The following TEKT5 variants were observed in gnomAD, a reference collection of about 807,000 sequenced individuals.
The protein encoded by TEKT5 is tektin-5.
A neutral mutation model predicts 48.7 loss-of-function variants in TEKT5; 52 were observed. The ratio of observed to expected loss-of-function variants is 1.07; its 90% CI spans 0.86 to 1.35. The LOEUF is 1.35. TEKT5 is among the 40% of genes most tolerant of loss of function. The probability of loss-of-function intolerance (pLI) is 0.00; values close to 1 mark genes in which losing one functional copy is unlikely to be tolerated. For synonymous variants in TEKT5, 318 were observed against 267.6 expected, an observed-to-expected ratio of 1.19 and a Z score of -1.84; for missense variants, 831 against 641.6, an observed-to-expected ratio of 1.30 and a Z score of -3.19.
chr16:10,644,176 C>G (rs1031306479), intron 5 of TEKT5, among the ~76,000 whole-genome samples: 1 of 152,172 alleles, frequency 6.6e-6, no homozygotes, highest in Non-Finnish European at 1.5e-5. Flanking sequence ...CCCTGCTGAG[C>G]GTTTTTCAGT....
chr16:10,673,404 AAC>A (rs1255282230), intron 5 of TEKT5, among the ~76,000 whole-genome samples: 1 of 152,178 alleles, frequency 6.6e-6, no homozygotes, highest in Non-Finnish European at 1.5e-5. Context: ...CAAAGCTGAA[AAC>A]AGTTATCATC....
At chr16:10,636,475 G>C (rs543701636) in intron 5 of TEKT5, among the ~76,000 whole-genome samples, 1 of 152,194 alleles carries the variant, frequency 6.6e-6, no homozygotes, top group South Asian at 2.1e-4. Context: ...ATCATGGTTG[G>C]TTTTGTTCTG....
At position 10,635,891 on chromosome 16, in the gene TEKT5, T is replaced by G. The variant is rs755143675; in HGVS notation, c.1114A>C (p.Asn372His). 1 of 1,614,058 alleles carries G rather than the reference T, an allele frequency of 6.2e-7. No homozygotes were observed. The highest frequency in any genetic ancestry group is 1.1e-5 in the South Asian group (1 of 91,078). ...GACCTTTCCAGCAGCATGATGGTGT[T>G]CTCGGCCTGGAAGATCTCCTGCAGC... ...KTLQEIFQAENTIMLLERSIM... is the reference protein window; with the variant it reads ...KTLQEIFQAEHTIMLLERSIM... Residue 372 changes from asparagine to histidine, a missense_variant, in exon 6 of 7, where the codon AAC (asparagine) becomes CAC (histidine). Coordinates refer to ENST00000283025, the MANE Select transcript of TEKT5 (RefSeq NM_144674.2).
chr16:10,639,431 AG>A (rs1263231228), intron 5 of TEKT5, among the ~76,000 whole-genome samples: 3 of 152,214 alleles, frequency 2.0e-5, no homozygotes, highest in Non-Finnish European at 4.4e-5. Context: ...TTAGACCACC[AG>A]GGGCCAAATC....
intron 4 of TEKT5, among the ~76,000 whole-genome samples, chr16:10,677,889 T>C (rs2541500): frequency 6.6e-6 from 1 of 151,644 alleles, no homozygotes; most frequent in Admixed American, 6.6e-5. Flanking sequence ...CATGCAGGAC[T>C]CACAGCGTGG....
chr16:10,631,727 G>GA (rs1267618516), intron 6 of TEKT5, among the ~76,000 whole-genome samples: 1 of 152,128 alleles, frequency 6.6e-6, no homozygotes, highest in Non-Finnish European at 1.5e-5. Context: ...ATGTGGAGAC[G>GA]AAGGCAGAGA....
At chr16:10,653,961 G>T (rs548872606) in intron 5 of TEKT5, among the ~76,000 whole-genome samples, 1 of 152,186 alleles carries the variant, frequency 6.6e-6, no homozygotes, top group South Asian at 2.1e-4. Context: ...TGCCCACAAG[G>T]TTACTGGGGG....
At chr16:10,653,554 G>C (rs1202731132) in intron 5 of TEKT5, among the ~76,000 whole-genome samples, 4 of 152,198 alleles carry the variant, frequency 2.6e-5, no homozygotes, top group Non-Finnish European at 5.9e-5. Flanking sequence ...CATCGATTGA[G>C]CCCTTTCTAG....
chr16:10,660,260 G>C (rs1030937123), intron 5 of TEKT5, among the ~76,000 whole-genome samples: 1 of 152,162 alleles, frequency 6.6e-6, no homozygotes, highest in Non-Finnish European at 1.5e-5. Context: ...GCTCTCCTCA[G>C]TCTTTGGAAT....
chr16:10,629,513 A>C (rs916271119), intron 6 of TEKT5, among the ~76,000 whole-genome samples: 2 of 151,906 alleles, frequency 1.3e-5, no homozygotes, highest in African/African-American at 4.8e-5. Flanking sequence ...AGCCTCCCAA[A>C]GTGCTGGGAT....
chr16:10,666,337 CTCGGTGGTGCCTGGAAT>C (rs765835443), intron 5 of TEKT5, among the ~76,000 whole-genome samples: 4 of 152,180 alleles, frequency 2.6e-5, no homozygotes, highest in Non-Finnish European at 4.4e-5. Context: ...CCTCCTGTTC[CTCGGTGGTGCCTGGAAT>C]TCCTTTAAAA....
At chr16:10,645,775 G>T (rs191324782) in intron 5 of TEKT5, among the ~76,000 whole-genome samples, 3 of 152,240 alleles carry the variant, frequency 2.0e-5, no homozygotes, top group African/African-American at 7.2e-5. Flanking sequence ...GCACTGGACT[G>T]CAAGACTGGG....
At chr16:10,665,374 G>A (rs1272580210) in intron 5 of TEKT5, among the ~76,000 whole-genome samples, 3 of 152,226 alleles carry the variant, frequency 2.0e-5, no homozygotes, top group African/African-American at 7.2e-5. Context: ...ATGATTGGCT[G>A]TCACCATTTG....
At chr16:10,691,140 G>C (rs1435534551) in intron 1 of TEKT5, 1 of 150,596 alleles carries the variant, frequency 6.6e-6, no homozygotes, top group Non-Finnish European at 1.5e-5. Context: ...GCTCAGCCTG[G>C]GCAGCATAGT....
chr16:10,652,513 G>C (rs1351543831), intron 5 of TEKT5, among the ~76,000 whole-genome samples: 1 of 114,654 alleles, frequency 8.7e-6, no homozygotes, highest in Non-Finnish European at 1.8e-5. Context: ...GCCAGGTAGA[G>C]CGATCCCTTA....
Position 10,689,943 on chromosome 16 carries a change from C to A in TEKT5, c.647G>T (p.Arg216Leu). The stretch of plus-strand genomic sequence containing the variant: ...GGGCAGAACCAGGAGATGCCTTACC[C>A]GGATAAGGTTTTTCTCCACGTTGTC... ...VHDNVEKNLI[R>L]EVDLLKCCQE... Residue 216 changes from arginine (R) to leucine (L), a missense_variant and splice_region_variant, in exon 2 of 7, where the codon CGG (arginine) becomes CTG (leucine). Physicochemically the swap from Arg to Leu is moderately radical, Grantham distance 102. Coordinates refer to ENST00000283025, the MANE Select transcript of TEKT5 (RefSeq NM_144674.2). 6.2e-7 allele frequency: 1 copy of A among 1,613,992 alleles called. No homozygotes were observed.
intron 4 of TEKT5, 33 bp from the exon 5 acceptor site, chr16:10,676,214 C>A (rs1490101175): frequency 1.2e-6 from 2 of 1,606,494 alleles, no homozygotes; most frequent in Non-Finnish European, 1.7e-6. Flanking sequence ...TGCAGCAGTC[C>A]TGGAAGACCT....
At chr16:10,628,753 A>G (rs191136368) in intron 6 of TEKT5, among the ~76,000 whole-genome samples, 4 of 152,020 alleles carry the variant, frequency 2.6e-5, no homozygotes, top group Non-Finnish European at 4.4e-5. Flanking sequence ...GAAAATACAA[A>G]AAGTTAGCCA....
chr16:10,644,917 C>T (rs538214857), intron 5 of TEKT5, among the ~76,000 whole-genome samples: 26 of 152,198 alleles, frequency 1.7e-4, no homozygotes, highest in African/African-American at 2.6e-4. Context: ...CTCTGAGAGG[C>T]GATTAGGTGA....
Sources: gnomAD v4.1 joint callset for allele counts (sites outside exome capture counted in the v4.1 genomes callset) on GRCh38, gnomAD v4.1.1 for gene constraint, MANE v1.5 for transcripts, NCBI Gene and HGNC (gene_info 2026-07-23, HGNC 2026-07-21) for gene names.